The following SSH1 variants were observed in gnomAD, a reference collection of about 807,000 sequenced individuals.
SSH1 encodes the protein protein phosphatase Slingshot homolog 1.
Under a neutral mutation model 79.7 loss-of-function variants are expected in SSH1, and 43 were observed. That is an observed-to-expected ratio of 0.54 (90% CI 0.42 to 0.70). SSH1 has a LOEUF of 0.70. Ranked by LOEUF, SSH1 falls within the 30% of genes least tolerant of loss-of-function variation. The probability of loss-of-function intolerance (pLI) is 0.00; values close to 1 mark genes in which losing one functional copy is unlikely to be tolerated. For synonymous variants in SSH1, 599 were observed against 538.3 expected (o/e 1.11, Z -1.56); for missense variants, 1,206 against 1,358.8 (o/e 0.89, Z 1.77).
In SSH1 at chr12:108,788,237, G is replaced by A; in HGVS notation, c.2901C>T (p.Leu967=). The A allele has an allele frequency of 6.2e-7, 1 of 1,613,892 alleles. No homozygotes were observed. The highest frequency in any genetic ancestry group is 8.5e-7 in the Non-Finnish European group (1 of 1,180,024). The change falls in exon 15 of 15, where the codon CTC becomes CTT. Residue 967 remains leucine, a synonymous_variant. Transcript: ENST00000326495. ...AGCGCTTCAGTGGGGAAGAGACGGT[G>A]AGGCCCGCCAGCCGGAGCCGGGTCT... The part of the protein sequence containing the change: ...EIETRLRLAG[L]TVSSPLKRSH...
chr12:108,829,322 G>C (rs554163382), intron 2 of SSH1, among the ~76,000 whole-genome samples: 1 of 152,282 alleles, frequency 6.6e-6, no homozygotes, highest in South Asian at 2.1e-4. Flanking sequence ...GTGAGACACT[G>C]TCTTGGGCAG....
chr12:108,788,498 A>T lies in SSH1; in HGVS notation c.2640T>A (p.Asp880Glu). The change falls in exon 15 of 15, where the codon GAT (aspartate) becomes GAA (glutamate). Residue 880 changes from aspartate (D) to glutamate (E), a missense_variant. Transcript: ENST00000326495. The part of the protein sequence containing the change: ...PLVMPSQAGS[D>E]EKSEAAPASL... Reference sequence around the variant, plus strand: ...AAGCGGGGGCGGCCTCTGACTTCTCATCACTCCCGGCCTGGCTGGGCATAA... The same window carrying T: ...AAGCGGGGGCGGCCTCTGACTTCTCTTCACTCCCGGCCTGGCTGGGCATAA... 1 of 1,556,252 alleles carries T rather than the reference A, an allele frequency of 6.4e-7. No homozygotes were observed. Among genetic ancestry groups the T allele is most frequent in the Admixed American group, 1.9e-5 (1 of 51,390 alleles).
intron 2 of SSH1, chr12:108,827,362 A>T: frequency 1.3e-6 from 2 of 1,543,678 alleles, no homozygotes; most frequent in Non-Finnish European, 1.8e-6. Context: ...TGCAGTGCTC[A>T]CATCTCTAAC....
At position 108,786,988 on chromosome 12, in the gene SSH1, TC is replaced by T. The variant is rs1334993052; in HGVS notation, c.*999del. 6.6e-6 allele frequency: 1 copy of T among 152,218 alleles called. No individual in the cohort carries two copies. The highest frequency in any genetic ancestry group is 1.5e-5 in the Non-Finnish European group (1 of 68,064). The allele number at this position is 152,218 out of a possible 1,614,324, so 9.4% of individuals were successfully genotyped here. A position where few individuals can be genotyped will look rare whatever the true frequency, so the allele number is the denominator to read the frequency against. On this transcript the variant is annotated 3_prime_UTR_variant, in exon 15 of 15. Coordinates refer to ENST00000326495, the MANE Select transcript of SSH1 (RefSeq NM_018984.4). ...CTGCAGGAAGGGGCAACTGTAGACA[TC>T]CGGGAAGCATCCCGACAGTCCCGTT...
intron 2 of SSH1, among the ~76,000 whole-genome samples, chr12:108,827,824 C>T (rs1039009381): frequency 2.0e-5 from 3 of 152,176 alleles, no homozygotes; most frequent in Non-Finnish European, 2.9e-5. Flanking sequence ...GGGCAGCTGC[C>T]GCAGTTAGTT....
At chr12:108,790,069 CCT>C (rs1039866271) in intron 14 of SSH1, among the ~76,000 whole-genome samples, 3 of 152,162 alleles carry the variant, frequency 2.0e-5, no homozygotes, top group Admixed American at 6.5e-5. Flanking sequence ...CCCAACTTCC[CCT>C]CTTACCCCAG....
chr12:108,804,704 GC>G (rs1164758379), intron 10 of SSH1, among the ~76,000 whole-genome samples: 1 of 152,172 alleles, frequency 6.6e-6, no homozygotes, highest in Non-Finnish European at 1.5e-5. Flanking sequence ...GGGTTTTTTA[GC>G]CCACAAACCA....
At chr12:108,820,696 A>C (rs2038085435) in intron 3 of SSH1, among the ~76,000 whole-genome samples, 1 of 152,238 alleles carries the variant, frequency 6.6e-6, no homozygotes, top group Non-Finnish European at 1.5e-5. Context: ...CTACTTTTCC[A>C]AGGACAGAAT....
intron 2 of SSH1, among the ~76,000 whole-genome samples, chr12:108,841,249 G>A (rs982566280): frequency 1.3e-5 from 2 of 152,204 alleles, no homozygotes; most frequent in South Asian, 4.1e-4. Context: ...TACGAGCTGA[G>A]CTTGCACGCA....
Position 108,792,741 on chromosome 12 carries a change from A to G in SSH1, c.1438T>C (p.Leu480=). 1 of 1,613,914 alleles carries G rather than the reference A, an allele frequency of 6.2e-7. No homozygotes were observed. Among genetic ancestry groups the G allele is most frequent in the Non-Finnish European group, 8.5e-7 (1 of 1,180,040 alleles). ...GGGGTGCCATCTGGGGTCTCTGGCA[A>G]GAAGTCGCCAGGTCCTGCAGGGTCA... is the stretch of plus-strand genomic sequence containing the variant. ...VDDPAGPGDF[L]PETPDGTPES... Residue 480 remains leucine (L), a synonymous_variant, in exon 14 of 15, where the codon TTG becomes CTG. Coordinates refer to ENST00000326495, the MANE Select transcript of SSH1 (RefSeq NM_018984.4).
At chr12:108,811,957 G>C (rs1005481109) in intron 5 of SSH1, among the ~76,000 whole-genome samples, 7 of 152,186 alleles carry the variant, frequency 4.6e-5, no homozygotes, top group African/African-American at 1.7e-4. Context: ...ACCGTGCCAA[G>C]AGCCAGCTCT....
chr12:108,817,977 A>T (rs2037967897), intron 4 of SSH1, among the ~76,000 whole-genome samples: 1 of 152,192 alleles, frequency 6.6e-6, no homozygotes, highest in South Asian at 2.1e-4. Context: ...AGGCAGGAGA[A>T]TCATTTGAGG....
chr12:108,820,993 A>T lies in SSH1; in HGVS notation c.214+2265T>A, dbSNP rs749424788. The stretch of plus-strand genomic sequence containing the variant: ...AGGAGGTATCTGACACTTAGTGAGC[A>T]GAGCTTGAGCATTTGCTTTGTCATA... On this transcript the variant is annotated intron_variant, in intron 3 of 14. Coordinates refer to ENST00000326495, the MANE Select transcript of SSH1 (RefSeq NM_018984.4). 4.0e-4 allele frequency among the ~76,000 whole-genome samples: 61 copies of T among 152,258 alleles called. 2 individuals are homozygous for T. The highest frequency in any genetic ancestry group is 1.6e-3 in the Admixed American group (24 of 15,286).
chr12:108,812,940 G>A (rs556749060), intron 5 of SSH1, among the ~76,000 whole-genome samples: 1 of 150,198 alleles, frequency 6.7e-6, no homozygotes, highest in East Asian at 1.9e-4. Context: ...ACAGCTCACT[G>A]CAGCCTCGAC....
At chr12:108,830,191 C>T (rs1259221981) in intron 2 of SSH1, among the ~76,000 whole-genome samples, 1 of 152,182 alleles carries the variant, frequency 6.6e-6, no homozygotes, top group Admixed American at 6.5e-5. Context: ...GTGGCTCACG[C>T]CTGTAATCCT....
intron 13 of SSH1, among the ~76,000 whole-genome samples, chr12:108,793,379 G>A (rs1203826024): frequency 1.3e-5 from 2 of 150,814 alleles, no homozygotes; most frequent in Non-Finnish European, 2.9e-5. Context: ...CTACTATGAT[G>A]ACATTGTTTT....
At position 108,852,708 on chromosome 12, in the gene SSH1, A is replaced by G. The variant is rs534184302; in HGVS notation, c.70-30T>C. 1.1e-5 allele frequency: 17 copies of G among 1,613,972 alleles called. No individual in the cohort carries two copies. The East Asian group carries it at 3.8e-4, about 36-fold the overall frequency. On this transcript the variant is annotated intron_variant, in intron 1 of 14. Coordinates refer to ENST00000326495, the MANE Select transcript of SSH1 (RefSeq NM_018984.4). ...AGAGAAAGAAAGAGAATATCACACC[A>G]CAGGCACCACTGTCAACACGCCTCG...
In SSH1 at chr12:108,799,205, A is replaced by G. The variant is rs1473794779; in HGVS notation, c.1149-5T>C. The G allele has an allele frequency of 1.2e-6, 2 of 1,610,392 alleles. No individual in the cohort carries two copies. Among genetic ancestry groups the G allele is most frequent in the East Asian group, 2.2e-5 (1 of 44,774 alleles). On this transcript the variant is annotated splice_region_variant and splice_polypyrimidine_tract_variant and intron_variant, in intron 12 of 14. Coordinates refer to ENST00000326495, the MANE Select transcript of SSH1 (RefSeq NM_018984.4). ...AGGCACTTGGAATGGTTCCTCCTGC[A>G]GGGGTGGGAGCAGTTGGGGAGGAGA...
intron 7 of SSH1, among the ~76,000 whole-genome samples, chr12:108,809,325 C>T (rs1478724753): frequency 1.3e-5 from 2 of 151,308 alleles, no homozygotes; most frequent in Admixed American, 6.6e-5. Context: ...GGTGTGGTGG[C>T]GCATGCCTGT....
Sources: gnomAD v4.1 joint callset for allele counts (sites outside exome capture counted in the v4.1 genomes callset) on GRCh38, gnomAD v4.1.1 for gene constraint, MANE v1.5 for transcripts, NCBI Gene and HGNC (gene_info 2026-07-23, HGNC 2026-07-21) for gene names.